WDFY1: variants seen among roughly 807,000 people sequenced by gnomAD.
WDFY1 encodes the protein WD repeat and FYVE domain containing 1.
In WDFY1, 32 loss-of-function variants were observed where a neutral mutation model predicts 56.4. That is an observed-to-expected ratio of 0.57 (90% CI 0.43 to 0.76). WDFY1 has a LOEUF of 0.76. Among genes scored for constraint, WDFY1 ranks in the 30% least tolerant of loss-of-function variants. WDFY1 has a pLI of 0.00. For synonymous variants in WDFY1, 192 were observed against 197.3 expected (o/e 0.97, Z 0.23); for missense variants, 480 against 545.7 (o/e 0.88, Z 1.20).
chr2:223,919,854 G>A (rs139885140), intron 1 of WDFY1, among the ~76,000 whole-genome samples: 8 of 152,274 alleles, frequency 5.3e-5, no homozygotes, highest in South Asian at 2.1e-4. Context: ...TGGAGGCAGC[G>A]TCCTCCCTGA....
chr2:223,897,390 A>ATATATATATATATT (rs1461451983), intron 6 of WDFY1, among the ~76,000 whole-genome samples: 1 of 125,994 alleles, frequency 7.9e-6, no homozygotes, highest in African/African-American at 3.0e-5. Context: ...ATATATATAT[A>ATATATATATATATT]TTTTTTAAGA....
intron 6 of WDFY1, among the ~76,000 whole-genome samples, chr2:223,898,405 T>C (rs1693435886): frequency 6.6e-6 from 1 of 152,188 alleles, no homozygotes; most frequent in South Asian, 2.1e-4. Context: ...TTTATTTTTA[T>C]TTCTATTTTT....
At chr2:223,882,184 G>A (rs1222189707) in intron 9 of WDFY1, 112 bp from the exon 10 acceptor site, 14 of 1,355,840 alleles carry the variant, frequency 1.0e-5, no homozygotes, top group East Asian at 2.9e-5. Flanking sequence ...GCGTGATCTC[G>A]GCTCACTGCA....
At chr2:223,890,784 T>C (rs1380164837) in intron 8 of WDFY1, among the ~76,000 whole-genome samples, 9 of 152,238 alleles carry the variant, frequency 5.9e-5, no homozygotes, top group Admixed American at 5.2e-4. Context: ...TAAAATGCTA[T>C]ACATTCTGTA....
intron 1 of WDFY1, among the ~76,000 whole-genome samples, chr2:223,929,124 A>G (rs1486099420): frequency 6.6e-6 from 1 of 151,908 alleles, no homozygotes; most frequent in Non-Finnish European, 1.5e-5. Flanking sequence ...ATAAGGCAAT[A>G]AACTGTGCCT....
At chr2:223,915,982 A>G (rs1693780577) in intron 2 of WDFY1, among the ~76,000 whole-genome samples, 1 of 152,372 alleles carries the variant, frequency 6.6e-6, no homozygotes, top group East Asian at 1.9e-4. Flanking sequence ...ACATGCAGAC[A>G]TGGGTAACAG....
At chr2:223,886,274 G>T (rs991096712) in intron 8 of WDFY1, among the ~76,000 whole-genome samples, 4 of 152,162 alleles carry the variant, frequency 2.6e-5, no homozygotes, top group African/African-American at 9.6e-5. Context: ...AGGAGGCGGA[G>T]GTTGCAGTGA....
intron 4 of WDFY1, among the ~76,000 whole-genome samples, chr2:223,903,222 T>C (rs1300508281): frequency 6.6e-6 from 1 of 152,136 alleles, no homozygotes; most frequent in African/African-American, 2.4e-5. Flanking sequence ...TTATAGCCCA[T>C]AAAGAACTCT....
intron 1 of WDFY1, among the ~76,000 whole-genome samples, chr2:223,942,725 C>T (rs1464480384): frequency 7.5e-6 from 1 of 133,096 alleles, no homozygotes; most frequent in East Asian, 2.2e-4. Flanking sequence ...TTAGTAGAGA[C>T]GGGGTTTCAC....
intron 9 of WDFY1, among the ~76,000 whole-genome samples, chr2:223,883,828 G>A (rs1313123664): frequency 6.6e-6 from 1 of 151,806 alleles, no homozygotes; most frequent in African/African-American, 2.4e-5. Flanking sequence ...GTATTTTTAG[G>A]AGAGACAGGG....
At chr2:223,940,859 G>A (rs983283595) in intron 1 of WDFY1, among the ~76,000 whole-genome samples, 1 of 151,784 alleles carries the variant, frequency 6.6e-6, no homozygotes, top group Non-Finnish European at 1.5e-5. Context: ...TTTCACTCTT[G>A]TTGCACAGGC....
At chr2:223,915,523 T>C (rs1174427729) in intron 2 of WDFY1, among the ~76,000 whole-genome samples, 2 of 152,244 alleles carry the variant, frequency 1.3e-5, no homozygotes, top group Admixed American at 1.3e-4. Flanking sequence ...AAAATCCCTC[T>C]AGTCTCTGTC....
chr2:223,918,063 T>C (rs932573685), intron 1 of WDFY1, 53 bp from the exon 2 acceptor site: 1 of 1,581,906 alleles, frequency 6.3e-7, no homozygotes, highest in Admixed American at 1.8e-5. Flanking sequence ...TTTTATCTTT[T>C]GTGTTCCATG....
rs560983789 is a variant in WDFY1, at chr2:223,930,023, A to C, written c.138-12013T>G. On this transcript the variant is annotated intron_variant, in intron 1 of 11. Transcript: ENST00000233055. ...AAACAATAAGGAAACAAGAAGCAGT[A>C]AATTACTTTTTCCCCCCAAATAAAT... Among the ~76,000 whole-genome samples the C allele has an allele frequency of 3.3e-5, 5 of 152,348 alleles. No individual in the cohort carries two copies. The South Asian group carries it at 1.0e-3, about 32-fold the overall frequency.
chr2:223,895,774 A>T, intron 6 of WDFY1, 144 bp from the exon 7 acceptor site: 1 of 1,121,972 alleles, frequency 8.9e-7, no homozygotes. Flanking sequence ...CATGGTGTAC[A>T]ACGGGTCATT....
intron 1 of WDFY1, among the ~76,000 whole-genome samples, chr2:223,939,232 C>T (rs1229575397): frequency 6.6e-6 from 1 of 152,076 alleles, no homozygotes; most frequent in African/African-American, 2.4e-5. Context: ...TCCAGCAACC[C>T]GAATTTCAAC....
chr2:223,926,060 A>T (rs1693973490), intron 1 of WDFY1, among the ~76,000 whole-genome samples: 1 of 152,192 alleles, frequency 6.6e-6, no homozygotes. Flanking sequence ...TCTCAATGAC[A>T]TCTAGAATGG....
In WDFY1 at chr2:223,875,692, T is replaced by C. The variant is rs931753971; in HGVS notation, c.*2979A>G. On this transcript the variant is annotated 3_prime_UTR_variant, in exon 12 of 12. Transcript: ENST00000233055. ...CTGCTCACAATTAACAATTAAGCAA[T>C]AGACACTTGAATAAATATAGCATGT... 2 of 152,210 alleles carry C rather than the reference T, an allele frequency of 1.3e-5. No individual in the cohort carries two copies. Among genetic ancestry groups the C allele is most frequent in the African/African-American group, 2.4e-5 (1 of 41,464 alleles). The allele number at this position is 152,210 out of a possible 1,614,324, so 9.4% of individuals were successfully genotyped here. A position where few individuals can be genotyped will look rare whatever the true frequency, so the allele number is the denominator to read the frequency against.
At position 223,914,633 on chromosome 2, in the gene WDFY1, G is replaced by C. The variant is rs371314212; in HGVS notation, c.206-2307C>G. Among the ~76,000 whole-genome samples the C allele has an allele frequency of 1.4e-4, 21 of 152,258 alleles. No individual in the cohort carries two copies. In the East Asian group the frequency reaches 3.9e-3, roughly 28 times the overall value. ...AGTTTGTAGACCTACCCATCACTGT[G>C]GTGAGAAGCATAGGTTTGGAGTCAT... is the stretch of plus-strand genomic sequence containing the variant. On this transcript the variant is annotated intron_variant, in intron 2 of 11. Transcript: ENST00000233055.
Sources: gnomAD v4.1 joint callset for allele counts (sites outside exome capture counted in the v4.1 genomes callset) on GRCh38, gnomAD v4.1.1 for gene constraint, MANE v1.5 for transcripts, NCBI Gene and HGNC (gene_info 2026-07-23, HGNC 2026-07-21) for gene names.